Variants in CNTN3 observed in about 807,000 individuals in gnomAD.
The protein encoded by CNTN3 is contactin-3.
A neutral mutation model predicts 119.1 loss-of-function variants in CNTN3; 60 were observed. The ratio of observed to expected loss-of-function variants is 0.50; its 90% CI spans 0.41 to 0.62. CNTN3 has a LOEUF of 0.62. CNTN3 is among the 20% of genes least tolerant of loss of function. CNTN3 has a pLI of 0.00. For synonymous variants in CNTN3, 450 were observed against 438.7 expected, an observed-to-expected ratio of 1.03 and a Z score of -0.32; for missense variants, 1,101 against 1,242.4, an observed-to-expected ratio of 0.89 and a Z score of 1.71.
chr3:74,391,195 C>G (rs1704890753), intron 5 of CNTN3, among the ~76,000 whole-genome samples: 1 of 152,122 alleles, frequency 6.6e-6, no homozygotes, highest in East Asian at 1.9e-4. Flanking sequence ...CATGCTTCCT[C>G]CTTAAAATGG....
chr3:74,501,796 A>AT (rs1457109382), intron 2 of CNTN3, among the ~76,000 whole-genome samples: 13 of 151,320 alleles, frequency 8.6e-5, no homozygotes, highest in Non-Finnish European at 1.5e-4. Context: ...CAAAGGAAAA[A>AT]AAAAAAGCTT....
intron 21 of CNTN3, 61 bp downstream of exon 21, chr3:74,267,205 C>A (rs1294145176): frequency 6.0e-6 from 6 of 1,003,188 alleles, no homozygotes; most frequent in African/African-American, 1.6e-5. Context: ...TTATACCTAG[C>A]TTCTCTTGAA....
At chr3:74,598,617 T>C (rs541704688) in intron 1 of CNTN3, among the ~76,000 whole-genome samples, 12 of 152,204 alleles carry the variant, frequency 7.9e-5, no homozygotes, top group African/African-American at 2.6e-4. Flanking sequence ...TTTTAAGTTA[T>C]AGTGAAAGTT....
At chr3:74,595,821 T>C (rs1281817384) in intron 1 of CNTN3, among the ~76,000 whole-genome samples, 2 of 152,134 alleles carry the variant, frequency 1.3e-5, no homozygotes. Flanking sequence ...TTCAACGTAG[T>C]GTTGGAAGTT....
At chr3:74,322,560 T>C (rs1241162653) in intron 13 of CNTN3, among the ~76,000 whole-genome samples, 3 of 152,200 alleles carry the variant, frequency 2.0e-5, no homozygotes, top group African/African-American at 4.8e-5. Flanking sequence ...CAAAATGTTA[T>C]AGCCATTCTG....
chr3:74,421,294 G>A (rs1245109338), intron 5 of CNTN3, among the ~76,000 whole-genome samples: 1 of 151,930 alleles, frequency 6.6e-6, no homozygotes, highest in South Asian at 2.1e-4. Flanking sequence ...TCAGCCTCCC[G>A]AGTAGCTGGG....
At chr3:74,345,429 A>C (rs567360624) in intron 11 of CNTN3, among the ~76,000 whole-genome samples, 1 of 152,322 alleles carries the variant, frequency 6.6e-6, no homozygotes, top group Non-Finnish European at 1.5e-5. Flanking sequence ...TTCTGAGCAT[A>C]ACCTTGAAAT....
intron 5 of CNTN3, among the ~76,000 whole-genome samples, chr3:74,394,083 T>G (rs1465832076): frequency 6.6e-6 from 1 of 152,146 alleles, no homozygotes; most frequent in Non-Finnish European, 1.5e-5. Flanking sequence ...AATAATAAAC[T>G]TATCTAATTA....
intron 20 of CNTN3, among the ~76,000 whole-genome samples, chr3:74,274,998 A>C (rs1039599285): frequency 4.6e-5 from 7 of 152,166 alleles, no homozygotes; most frequent in Non-Finnish European, 1.0e-4. Flanking sequence ...CATATATAGA[A>C]ATGCAAAATG....
intron 1 of CNTN3, among the ~76,000 whole-genome samples, chr3:74,594,273 C>CTTTTTTTT (rs59436860): frequency 1.9e-3 from 217 of 111,406 alleles, no homozygotes; most frequent in East Asian, 3.2e-3. Flanking sequence ...TTCTTTTTTT[C>CTTTTTTTT]TTTTTTTTTT....
chr3:74,303,518 C>A (rs1702500338), intron 13 of CNTN3, among the ~76,000 whole-genome samples: 1 of 152,042 alleles, frequency 6.6e-6, no homozygotes, highest in Non-Finnish European at 1.5e-5. Flanking sequence ...TATGGTGAAA[C>A]CCCATCTCTA....
chr3:74,605,211 G>A (rs1229852818), intron 1 of CNTN3, among the ~76,000 whole-genome samples: 3 of 152,016 alleles, frequency 2.0e-5, no homozygotes, highest in Non-Finnish European at 4.4e-5. Flanking sequence ...ATAAGTTCAA[G>A]AGATCTATTA....
chr3:74,364,424 T>G, intron 10 of CNTN3, 43 bp downstream of exon 10: 1 of 1,584,474 alleles, frequency 6.3e-7, no homozygotes, highest in East Asian at 2.2e-5. Context: ...ATGAAGGATT[T>G]AAGACAAAAA....
At chr3:74,449,828 A>G (rs1702115157) in intron 4 of CNTN3, among the ~76,000 whole-genome samples, 1 of 152,162 alleles carries the variant, frequency 6.6e-6, no homozygotes, top group Non-Finnish European at 1.5e-5. Context: ...AAAAATATCT[A>G]CACAGAAACT....
chr3:74,414,312 T>C lies in CNTN3; in HGVS notation c.454+10533A>G, dbSNP rs535923110. Among the ~76,000 whole-genome samples, 76 of 152,346 alleles carry C rather than the reference T, an allele frequency of 5.0e-4. 1 individual carries two copies. In the South Asian group the frequency reaches 0.014, roughly 28 times the overall value. ...TAAATAAATGAGTATCAAAGTTCCA[T>C]GTAAGCCACAAAGTTCACTTCTGTT... is the stretch of plus-strand genomic sequence containing the variant. On this transcript the variant is annotated intron_variant, in intron 5 of 22. Transcript: ENST00000263665.
At chr3:74,286,980 G>T (rs1485526971) in intron 19 of CNTN3, among the ~76,000 whole-genome samples, 2 of 152,218 alleles carry the variant, frequency 1.3e-5, no homozygotes, top group African/African-American at 4.8e-5. Flanking sequence ...GGGCTTGTCT[G>T]TCTTGGTTAT....
rs148125819 is a variant in CNTN3, at chr3:74,565,200, A to T, written c.-80-44008T>A. On this transcript the variant is annotated intron_variant, in intron 1 of 22. Transcript: ENST00000263665. ...ATGCCTTAGTGTCCAGGAGGTCAGA[A>T]GTCTGAAACTGTCTTCTAGGCAAAT... Among the ~76,000 whole-genome samples, 94 of 152,298 alleles carry T rather than the reference A, an allele frequency of 6.2e-4. 3 individuals carry two copies. The highest frequency in any genetic ancestry group is 6.8e-3 in the Middle Eastern group (2 of 294).
At chr3:74,344,789 C>T (rs780733219) in intron 11 of CNTN3, among the ~76,000 whole-genome samples, 2 of 152,162 alleles carry the variant, frequency 1.3e-5, no homozygotes, top group Admixed American at 6.5e-5. Flanking sequence ...CTTTCTAGGA[C>T]ACAAGGTTCT....
Position 74,614,653 on chromosome 3 carries a change from G to T in CNTN3, c.-343C>A, listed in dbSNP as rs564729202. Among the ~76,000 whole-genome samples, 2,315 of 149,574 alleles carry T rather than the reference G, an allele frequency of 0.015. 53 individuals are homozygous for T. Among genetic ancestry groups the T allele is most frequent in the African/African-American group, 0.052 (2,149 of 41,338 alleles). On this transcript the variant is annotated 5_prime_UTR_variant, in exon 1 of 23. Transcript: ENST00000263665. ...GCTGTGGCTGCTGCCGGCGCCTAGC[G>T]AGCACTGCCCGTGCCTCCGCCACTC...
Sources: allele counts gnomAD v4.1 joint callset (sites outside exome capture counted in the v4.1 genomes callset), GRCh38; gene constraint gnomAD v4.1.1; transcripts MANE v1.5; gene names NCBI Gene and HGNC (gene_info 2026-07-23, HGNC 2026-07-21).